KCNH8: variants seen among roughly 807,000 people sequenced by gnomAD.
The protein encoded by KCNH8 is potassium voltage-gated channel subfamily H member 8.
KCNH8 carries 70 observed loss-of-function variants against 103.6 expected under a neutral mutation model. That is an observed-to-expected ratio of 0.68 (90% CI 0.56 to 0.82). The LOEUF (loss-of-function observed/expected upper bound fraction) is 0.82. Ranked by LOEUF, KCNH8 falls within the 40% of genes least tolerant of loss-of-function variation. The pLI, the probability that KCNH8 is intolerant of heterozygous loss-of-function variation, is 0.00. For synonymous variants in KCNH8, 498 were observed against 489.4 expected (o/e 1.02, Z -0.23); for missense variants, 1,217 against 1,329.9 (o/e 0.92, Z 1.32).
chr3:19,167,891 T>G (rs1347308997), intron 1 of KCNH8, among the ~76,000 whole-genome samples: 2 of 152,128 alleles, frequency 1.3e-5, no homozygotes, highest in East Asian at 3.9e-4. Flanking sequence ...GTGTGTGTGT[T>G]TGTATTTAGT....
At chr3:19,454,171 TGTGTG>T (rs1429926967) in intron 10 of KCNH8, among the ~76,000 whole-genome samples, 2 of 150,966 alleles carry the variant, frequency 1.3e-5, no homozygotes, top group African/African-American at 4.9e-5. Flanking sequence ...TGTGTGTGTG[TGTGTG>T]TGTGTGTGTG....
rs1181470142 is a variant in KCNH8 at position 19,300,260 on chromosome 3, A to AG, written c.442+18931_442+18932insG. On this transcript the variant is annotated intron_variant, in intron 3 of 15. Coordinates refer to ENST00000328405, the MANE Select transcript of KCNH8 (RefSeq NM_144633.3). ...CAAGACTCTGTCTATAAAAAAAAAA[A>AG]AGAAAGAAAGAAAAGAAAATATGAA... 9.2e-5 allele frequency among the ~76,000 whole-genome samples: 9 copies of AG among 97,636 alleles called. No homozygotes were observed. In the East Asian group the frequency reaches 1.6e-3, roughly 17 times the overall value. 64.1% of individuals were successfully genotyped at this position (97,636 alleles called of 152,430 possible).
intron 1 of KCNH8, among the ~76,000 whole-genome samples, chr3:19,177,722 A>G (rs1258197844): frequency 1.3e-5 from 2 of 152,110 alleles, no homozygotes; most frequent in South Asian, 2.1e-4. Context: ...AGAATCATGA[A>G]TGAACTAATT....
intron 1 of KCNH8, 120 bp from the exon 2 acceptor site, chr3:19,253,534 A>G: frequency 1.3e-6 from 1 of 755,306 alleles, no homozygotes; most frequent in South Asian, 1.7e-5. Flanking sequence ...CCACTGCAGC[A>G]CATCAGAATG....
At chr3:19,294,655 C>G (rs2064972359) in intron 3 of KCNH8, among the ~76,000 whole-genome samples, 1 of 152,130 alleles carries the variant, frequency 6.6e-6, no homozygotes, top group South Asian at 2.1e-4. Context: ...TTTGGAGTTT[C>G]TACACATATT....
chr3:19,262,583 A>G (rs1233825557), intron 2 of KCNH8, among the ~76,000 whole-genome samples: 1 of 152,050 alleles, frequency 6.6e-6, no homozygotes, highest in Non-Finnish European at 1.5e-5. Context: ...TGCATATGGA[A>G]TGTTCTTCAC....
At position 19,148,594 on chromosome 3, in the gene KCNH8, C is replaced by G. The variant is rs2063098138; in HGVS notation, c.-126C>G. 5.6e-6 allele frequency: 5 copies of G among 886,976 alleles called. No homozygotes were observed. In the South Asian group the frequency reaches 6.9e-5, roughly 12 times the overall value. The allele number at this position is 886,976 out of a possible 1,614,324, so 54.9% of individuals were successfully genotyped here. On this transcript the variant is annotated 5_prime_UTR_variant, in exon 1 of 16. Coordinates refer to ENST00000328405, the MANE Select transcript of KCNH8 (RefSeq NM_144633.3). Reference sequence around the variant, plus strand: ...CATCCTTCCACTTCCCCTGCTCGGCCCCGCCGTCAGGCCGGGTCCCCCTTC... The same window carrying G: ...CATCCTTCCACTTCCCCTGCTCGGCGCCGCCGTCAGGCCGGGTCCCCCTTC...
chr3:19,489,938 G>A (rs1392380537), intron 11 of KCNH8, among the ~76,000 whole-genome samples: 1 of 152,190 alleles, frequency 6.6e-6, no homozygotes, highest in East Asian at 1.9e-4. Flanking sequence ...CAAATGGAGT[G>A]GGCAAGTTCC....
intron 3 of KCNH8, among the ~76,000 whole-genome samples, chr3:19,319,470 G>T (rs9827599): frequency 0.11 from 16,428 of 151,852 alleles, 1,023 homozygotes; most frequent in East Asian, 0.18. Context: ...AGATCAGTTG[G>T]CTGTAAGTAT....
chr3:19,287,437 C>T (rs548950434), intron 3 of KCNH8, among the ~76,000 whole-genome samples: 1 of 152,192 alleles, frequency 6.6e-6, no homozygotes, highest in Non-Finnish European at 1.5e-5. Flanking sequence ...AACTTTCCAA[C>T]ACTTTGGGCC....
intron 7 of KCNH8, among the ~76,000 whole-genome samples, chr3:19,419,651 T>A (rs2066921492): frequency 6.6e-6 from 1 of 152,004 alleles, no homozygotes. Flanking sequence ...AAACCCAATT[T>A]TAATTTCTCA....
intron 1 of KCNH8, among the ~76,000 whole-genome samples, chr3:19,188,610 A>T (rs1268952273): frequency 1.3e-5 from 2 of 152,120 alleles, no homozygotes; most frequent in African/African-American, 2.4e-5. Context: ...ATAAAGCATC[A>T]CATTTGCAGA....
intron 5 of KCNH8, among the ~76,000 whole-genome samples, chr3:19,364,562 C>T (rs1465837508): frequency 6.6e-6 from 1 of 152,046 alleles, no homozygotes; most frequent in Non-Finnish European, 1.5e-5. Flanking sequence ...TCTAAGCCTG[C>T]GTATATAGCA....
At chr3:19,376,524 G>A (rs186761717) in intron 5 of KCNH8, among the ~76,000 whole-genome samples, 26 of 152,126 alleles carry the variant, frequency 1.7e-4, no homozygotes, top group Non-Finnish European at 3.5e-4. Context: ...GATGAACCCG[G>A]TACCTCAGAT....
chr3:19,185,605 TCAC>T (rs1463357181), intron 1 of KCNH8, among the ~76,000 whole-genome samples: 1 of 151,974 alleles, frequency 6.6e-6, no homozygotes, highest in Non-Finnish European at 1.5e-5. Flanking sequence ...TTCATATCTC[TCAC>T]ATGATATTAC....
intron 5 of KCNH8, among the ~76,000 whole-genome samples, chr3:19,352,259 C>G (rs1206144038): frequency 6.6e-6 from 1 of 152,160 alleles, no homozygotes; most frequent in Non-Finnish European, 1.5e-5. Context: ...TACAAAGAGA[C>G]TTAGACTCCC....
At position 19,465,302 on chromosome 3, in the gene KCNH8, T is replaced by A. The variant is rs1424943560; in HGVS notation, c.2040+8320T>A. 3.9e-5 allele frequency among the ~76,000 whole-genome samples: 6 copies of A among 152,312 alleles called. No homozygotes were observed. The South Asian group carries it at 1.2e-3, about 32-fold the overall frequency. ...CCCTTAAGAAGTATGCTAAATCTTTTCTGCCTGTACTCTATAAATGGAACA... is the reference window on the plus strand; with the variant it reads ...CCCTTAAGAAGTATGCTAAATCTTTACTGCCTGTACTCTATAAATGGAACA... On this transcript the variant is annotated intron_variant, in intron 11 of 15. Coordinates refer to ENST00000328405, the MANE Select transcript of KCNH8 (RefSeq NM_144633.3).
chr3:19,187,428 A>G (rs1329577207), intron 1 of KCNH8, among the ~76,000 whole-genome samples: 1 of 152,112 alleles, frequency 6.6e-6, no homozygotes, highest in East Asian at 1.9e-4. Flanking sequence ...AACAGTTGGA[A>G]AAACCAAGGT....
chr3:19,506,733 C>T (rs1301362263), intron 11 of KCNH8, among the ~76,000 whole-genome samples: 1 of 152,132 alleles, frequency 6.6e-6, no homozygotes, highest in Non-Finnish European at 1.5e-5. Context: ...GAGGGCCTTT[C>T]TCTCGTCTCT....
Sources: gnomAD v4.1 joint callset for allele counts (sites outside exome capture counted in the v4.1 genomes callset) on GRCh38, gnomAD v4.1.1 for gene constraint, MANE v1.5 for transcripts, NCBI Gene and HGNC (gene_info 2026-07-23, HGNC 2026-07-21) for gene names.